The following FANCD2 variants were observed in gnomAD, a reference collection of about 807,000 sequenced individuals.
The protein encoded by FANCD2 is FA complementation group D2, also known as Fanconi anemia group D2 protein.
Under a neutral mutation model 192.3 loss-of-function variants are expected in FANCD2, and 131 were observed. That is an observed-to-expected ratio of 0.68 (90% CI 0.59 to 0.79). The LOEUF (loss-of-function observed/expected upper bound fraction) is 0.79, where lower values mean the gene tolerates loss of function less well. FANCD2 is among the 30% of genes least tolerant of loss of function. The pLI, the probability that FANCD2 is intolerant of heterozygous loss-of-function variation, is 0.00. For synonymous variants in FANCD2, 524 were observed against 612.5 expected, an observed-to-expected ratio of 0.86 and a Z score of 2.13; for missense variants, 1,508 against 1,701.6, an observed-to-expected ratio of 0.89 and a Z score of 2.00.
intron 25 of FANCD2, 103 bp downstream of exon 25, chr3:10,066,082 AC>A: frequency 1.3e-6 from 1 of 741,138 alleles, no homozygotes; most frequent in South Asian, 1.5e-5. Flanking sequence ...CCAAGCACTA[AC>A]CCCCGTGTGC....
intron 17 of FANCD2, among the ~76,000 whole-genome samples, chr3:10,051,885 C>T (rs1008647618): frequency 7.2e-5 from 11 of 152,028 alleles, no homozygotes; most frequent in African/African-American, 2.7e-4. Flanking sequence ...TTCCTTGTGA[C>T]TCCTTCCAGA....
intron 15 of FANCD2, 81 bp downstream of exon 15, chr3:10,046,804 C>T (rs1271759387): frequency 4.3e-6 from 5 of 1,175,986 alleles, no homozygotes; most frequent in Non-Finnish European, 3.8e-6. Context: ...TTATTTCAGT[C>T]CATTGTTCAA....
chr3:10,035,658 TG>T (rs1014848659), intron 6 of FANCD2, among the ~76,000 whole-genome samples: 1 of 152,166 alleles, frequency 6.6e-6, no homozygotes, highest in Non-Finnish European at 1.5e-5. Context: ...GTTATACAAA[TG>T]TATATAGAGC....
At chr3:10,059,142 T>A (rs566682767) in intron 18 of FANCD2, among the ~76,000 whole-genome samples, 7 of 152,054 alleles carry the variant, frequency 4.6e-5, no homozygotes, top group Non-Finnish European at 8.8e-5. Context: ...GCCTTCCGAG[T>A]AGCCAGGACC....
At chr3:10,073,449 G>GA (rs914435945) in intron 28 of FANCD2, 87 bp downstream of exon 28, 509 of 1,087,888 alleles carry the variant, frequency 4.7e-4, no homozygotes, top group Non-Finnish European at 5.9e-4. Flanking sequence ...ATTTTACAAA[G>GA]AAAAAAAAAT....
intron 1 of FANCD2, 41 bp downstream of exon 1, chr3:10,026,514 G>A (rs1329572553): frequency 3.5e-5 from 17 of 492,014 alleles, no homozygotes; most frequent in Admixed American, 1.3e-4. Flanking sequence ...TCGAGGCCCC[G>A]CTCCCCTGCG....
chr3:10,083,481 C>T (rs1008370032), intron 32 of FANCD2: 1 of 152,148 alleles, frequency 6.6e-6, no homozygotes, highest in Non-Finnish European at 1.5e-5. Context: ...GGGGACTTTA[C>T]AATGGTACAT....
chr3:10,040,947 A>T (rs1020048640), intron 9 of FANCD2: 1 of 166,470 alleles, frequency 6.0e-6, no homozygotes, highest in Non-Finnish European at 1.3e-5. Flanking sequence ...TAATCCCAGC[A>T]TGTTGGGCGG....
At position 10,039,843 on chromosome 3, in the gene FANCD2, CAGGTGG is replaced by C; in HGVS notation, c.695_695+5del. On this transcript the variant is annotated splice_donor_variant and splice_donor_region_variant and coding_sequence_variant and intron_variant, in exon 9 of 44. Coordinates refer to ENST00000675286, the MANE Select transcript of FANCD2 (RefSeq NM_001018115.3). LOFTEE classifies it high-confidence loss of function. ...AGCACGCTGATGTGGGGAAAGAACTCAGGTGGATAAACCCTCTGTCATCATCTAAGT... is the reference window on the plus strand; with the variant it reads ...AGCACGCTGATGTGGGGAAAGAACTCATAAACCCTCTGTCATCATCTAAGT... 1 of 1,613,950 alleles carries C rather than the reference CAGGTGG, an allele frequency of 6.2e-7. No individual in the cohort carries two copies. Among genetic ancestry groups the C allele is most frequent in the Non-Finnish European group, 8.5e-7 (1 of 1,179,998 alleles).
At chr3:10,069,695 C>T (rs1322346430) in intron 26 of FANCD2, among the ~76,000 whole-genome samples, 6 of 152,130 alleles carry the variant, frequency 3.9e-5, no homozygotes, top group South Asian at 2.1e-4. Context: ...AGCTCCTAAC[C>T]GCGAGTGATC....
intron 9 of FANCD2, chr3:10,040,434 C>A (rs577568150): frequency 2.2e-6 from 1 of 453,802 alleles, no homozygotes; most frequent in South Asian, 1.6e-5. Context: ...GACCATGATC[C>A]CTTAAGTTTC....
Position 10,049,387 on chromosome 3 carries a change from C to G in FANCD2, c.1427C>G (p.Ala476Gly), listed in dbSNP as rs756614079. ...DTYCQQEVVG[A>G]LVTHICSGNE... is the part of the protein sequence containing the mutation. ...TCCCCTGTATAGGAAGTGGTTGGTG[C>G]CTTAGTGACCCATATCTGCAGTGGG... The change falls in exon 17 of 44, where the codon GCC becomes GGC. Residue 476 changes from alanine (A) to glycine (G), a missense_variant. Physicochemically the swap from Ala to Gly is moderately conservative, Grantham distance 60. Transcript: ENST00000675286. The G allele has an allele frequency of 6.2e-7, 1 of 1,611,254 alleles. No homozygotes were observed.
At chr3:10,072,790 G>A in intron 26 of FANCD2, 81 bp from the exon 27 acceptor site, 8 of 817,194 alleles carry the variant, frequency 9.8e-6, no homozygotes, top group Non-Finnish European at 1.5e-5. Flanking sequence ...CTAGTTTTTA[G>A]CCAATGGAGT....
rs1328554245 is a variant in FANCD2, at chr3:10,067,252, G to A, written c.2429G>A (p.Gly810Glu). The change falls in exon 26 of 44, where the codon GGG becomes GAG. Residue 810 changes from glycine (G) to glutamate (E), a missense_variant. By Grantham distance (98) the Gly-to-Glu change is moderately conservative. Around this residue, in one of 5 missense-constraint regions of FANCD2, gnomAD observed 796 missense variants for 879.4 expected, o/e 0.91. Transcript: ENST00000675286. ...CAGGAAACATCACCTGAGATGAAGG[G>A]GAAGGTGCTCACTCGGTTAAAGCAC... ...FCQETSPEMKGKVLTRLKHIV... is the reference protein window; with the variant it reads ...FCQETSPEMKEKVLTRLKHIV... The A allele has an allele frequency of 6.2e-7, 1 of 1,613,784 alleles. No homozygotes were observed. Among genetic ancestry groups the A allele is most frequent in the Non-Finnish European group, 8.5e-7 (1 of 1,179,774 alleles).
chr3:10,099,945 T>C (rs1559411971), intron 43 of FANCD2, among the ~76,000 whole-genome samples: 1 of 152,106 alleles, frequency 6.6e-6, no homozygotes, highest in African/African-American at 2.4e-5. Context: ...CCTGTAATCG[T>C]AGCACTTTGT....
chr3:10,095,493 C>T (rs775166162), intron 41 of FANCD2: 5 of 594,382 alleles, frequency 8.4e-6, no homozygotes, highest in Admixed American at 2.9e-5. Flanking sequence ...CTCCAAAGCT[C>T]TTTTTCCTCT....
At chr3:10,098,919 T>C in intron 43 of FANCD2, 104 bp downstream of exon 43, 1 of 1,614,224 alleles carries the variant, frequency 6.2e-7, no homozygotes, top group Non-Finnish European at 8.5e-7. Flanking sequence ...TATTGTCAAA[T>C]GCTTCTATGC....
intron 2 of FANCD2, among the ~76,000 whole-genome samples, chr3:10,031,335 C>G (rs934445507): frequency 1.4e-4 from 21 of 152,140 alleles, no homozygotes; most frequent in African/African-American, 3.4e-4. Flanking sequence ...AACCCCGTCT[C>G]TACTAAAAAT....
intron 16 of FANCD2, 108 bp from the exon 17 acceptor site, chr3:10,049,266 A>G: frequency 1.7e-6 from 2 of 1,169,914 alleles, no homozygotes; most frequent in East Asian, 2.3e-5. Context: ...GTTTGGGTTG[A>G]TTGTGATTTT....
Sources: allele counts gnomAD v4.1 joint callset (sites outside exome capture counted in the v4.1 genomes callset), GRCh38; gene constraint gnomAD v4.1.1; regional missense constraint gnomAD v4.1.1; transcripts MANE v1.5; gene names NCBI Gene and HGNC (gene_info 2026-07-23, HGNC 2026-07-21).